Variants in SPOCK3 observed in about 807,000 individuals in gnomAD.
SPOCK3 encodes testican-3.
SPOCK3 carries 30 observed loss-of-function variants against 56.6 expected under a neutral mutation model. That is an observed-to-expected ratio of 0.53 (90% CI 0.40 to 0.72). The LOEUF is 0.72. SPOCK3 is among the 30% of genes least tolerant of loss of function. The pLI is 0.00. For missense variants in SPOCK3, 527 were observed against 530.0 expected, an observed-to-expected ratio of 0.99 and a Z score of 0.06; for synonymous variants, 196 against 183.3, an observed-to-expected ratio of 1.07 and a Z score of -0.56.
chr4:166,985,794 T>C (rs1747095485), intron 4 of SPOCK3, among the ~76,000 whole-genome samples: 1 of 152,162 alleles, frequency 6.6e-6, no homozygotes, highest in African/African-American at 2.4e-5. Flanking sequence ...ATGGGAAAAG[T>C]AGATAAGCAG....
chr4:166,940,424 G>A (rs1232973320), intron 4 of SPOCK3, among the ~76,000 whole-genome samples: 1 of 152,152 alleles, frequency 6.6e-6, no homozygotes, highest in East Asian at 2.0e-4. Flanking sequence ...GGGAGTCAAG[G>A]AAGTGACCAT....
intron 3 of SPOCK3, among the ~76,000 whole-genome samples, chr4:167,058,402 T>C (rs1016059201): frequency 2.6e-5 from 4 of 152,248 alleles, no homozygotes; most frequent in African/African-American, 4.8e-5. Flanking sequence ...CATTCATAAG[T>C]GCTTCAAAGA....
chr4:166,945,833 C>T (rs76644440), intron 4 of SPOCK3, among the ~76,000 whole-genome samples: 3,320 of 152,238 alleles, frequency 0.022, 53 homozygotes, highest in South Asian at 0.05. Flanking sequence ...CCCTCCTTAC[C>T]CTACATGGGA....
At chr4:166,842,871 G>A (rs544642237) in intron 6 of SPOCK3, among the ~76,000 whole-genome samples, 59 of 152,354 alleles carry the variant, frequency 3.9e-4, no homozygotes, top group South Asian at 1.7e-3. Flanking sequence ...AGATGGAACC[G>A]GGTGCTGTGT....
At chr4:166,985,686 T>C (rs1747085108) in intron 4 of SPOCK3, among the ~76,000 whole-genome samples, 1 of 152,140 alleles carries the variant, frequency 6.6e-6, no homozygotes, top group African/African-American at 2.4e-5. Context: ...ACACTAGTAT[T>C]ATATAATTAG....
chr4:166,937,530 TTATATAA>T (rs2150008885), intron 4 of SPOCK3, among the ~76,000 whole-genome samples: 1 of 148,128 alleles, frequency 6.8e-6, no homozygotes, highest in Non-Finnish European at 1.5e-5. Context: ...TATTTATATG[TTATATAA>T]TATATATTAT....
chr4:166,813,805 G>A (rs934658935), intron 6 of SPOCK3, among the ~76,000 whole-genome samples: 1 of 151,896 alleles, frequency 6.6e-6, no homozygotes, highest in Non-Finnish European at 1.5e-5. Context: ...ATGAAAAAAA[G>A]TAAAACATAA....
intron 4 of SPOCK3, among the ~76,000 whole-genome samples, chr4:166,936,818 A>G (rs1740456378): frequency 6.6e-6 from 1 of 152,066 alleles, no homozygotes; most frequent in Non-Finnish European, 1.5e-5. Context: ...AACTTTCTAA[A>G]AATTTTCTAA....
chr4:167,139,386 C>T (rs1763355904), intron 2 of SPOCK3, among the ~76,000 whole-genome samples: 1 of 151,736 alleles, frequency 6.6e-6, no homozygotes, highest in South Asian at 2.1e-4. Context: ...ATAAATATGG[C>T]CCAAATTTCT....
chr4:166,843,009 T>A (rs2126839947), intron 6 of SPOCK3, among the ~76,000 whole-genome samples: 1 of 152,300 alleles, frequency 6.6e-6, no homozygotes, highest in Non-Finnish European at 1.5e-5. Flanking sequence ...TTCGAGCGTG[T>A]CCCCAGTGGG....
At chr4:167,199,694 A>AAATAAT (rs200479070) in intron 2 of SPOCK3, among the ~76,000 whole-genome samples, 2,140 of 141,606 alleles carry the variant, frequency 0.015, 29 homozygotes, top group East Asian at 0.023. Flanking sequence ...TGTGTGAAAT[A>AAATAAT]AATAATAATA....
chr4:167,233,393 T>C (rs1423971653), intron 2 of SPOCK3, among the ~76,000 whole-genome samples: 2 of 152,178 alleles, frequency 1.3e-5, no homozygotes, highest in African/African-American at 4.8e-5. Context: ...TAAAATATAA[T>C]CAAATGCATT....
chr4:167,220,741 T>C (rs1274583940), intron 2 of SPOCK3, among the ~76,000 whole-genome samples: 1 of 152,030 alleles, frequency 6.6e-6, no homozygotes, highest in Non-Finnish European at 1.5e-5. Context: ...GACCTGCACT[T>C]TGATATCAAA....
At chr4:166,744,321 C>T (rs983767623) in intron 8 of SPOCK3, among the ~76,000 whole-genome samples, 7 of 152,206 alleles carry the variant, frequency 4.6e-5, no homozygotes, top group African/African-American at 1.4e-4. Flanking sequence ...GCAGTCTCCA[C>T]TGGTGATACC....
Position 166,783,977 on chromosome 4 carries a change from G to A in SPOCK3, c.709+8193C>T, listed in dbSNP as rs541041138. Among the ~76,000 whole-genome samples, 4 of 151,588 alleles carry A rather than the reference G, an allele frequency of 2.6e-5. No homozygotes were observed. The East Asian group carries it at 7.8e-4, about 29-fold the overall frequency. The stretch of plus-strand genomic sequence containing the variant: ...ACCTCTTCATTGTTTTTTTTTGGGG[G>A]GAGGTGTTGTTTCATTTTGAATAGG... On this transcript the variant is annotated intron_variant, in intron 7 of 10. Coordinates refer to ENST00000357545, the MANE Select transcript of SPOCK3 (RefSeq NM_001040159.2).
At chr4:167,210,434 A>T (rs1734758923) in intron 2 of SPOCK3, among the ~76,000 whole-genome samples, 1 of 152,142 alleles carries the variant, frequency 6.6e-6, no homozygotes, top group African/African-American at 2.4e-5. Context: ...TATCACAAGG[A>T]TTCTTCAGGG....
intron 2 of SPOCK3, among the ~76,000 whole-genome samples, chr4:167,141,881 A>C (rs1763563135): frequency 6.6e-6 from 1 of 152,002 alleles, no homozygotes; most frequent in African/African-American, 2.4e-5. Flanking sequence ...CTCTAAGACA[A>C]AATATTGTAA....
chr4:166,799,705 C>G (rs1389825581), intron 6 of SPOCK3, among the ~76,000 whole-genome samples: 1 of 148,730 alleles, frequency 6.7e-6, no homozygotes, highest in Non-Finnish European at 1.5e-5. Flanking sequence ...CACTGAGGAG[C>G]TCCTAGAAGT....
chr4:166,742,401 A>T (rs889860239), intron 8 of SPOCK3, among the ~76,000 whole-genome samples: 9 of 152,134 alleles, frequency 5.9e-5, no homozygotes, highest in Admixed American at 5.2e-4. Context: ...TACTTATATG[A>T]TGAAAAATAC....
Sources: gnomAD v4.1 joint callset for allele counts (sites outside exome capture counted in the v4.1 genomes callset) on GRCh38, gnomAD v4.1.1 for gene constraint, MANE v1.5 for transcripts, NCBI Gene and HGNC (gene_info 2026-07-23, HGNC 2026-07-21) for gene names.